The following WTAP variants were observed in gnomAD, a reference collection of about 807,000 sequenced individuals.
WTAP encodes the protein WT1 associated protein.
In WTAP, 8 loss-of-function variants were observed where a neutral mutation model predicts 50.0. That is an observed-to-expected ratio of 0.16 (90% CI 0.09 to 0.29). The LOEUF is 0.29. Ranked by LOEUF, WTAP falls within the 10% of genes least tolerant of loss-of-function variation. The pLI, the probability that WTAP is intolerant of heterozygous loss-of-function variation, is 1.00. For missense variants in WTAP, 295 were observed against 470.7 expected, an observed-to-expected ratio of 0.63 and a Z score of 3.45; for synonymous variants, 194 against 169.0, an observed-to-expected ratio of 1.15 and a Z score of -1.15.
chr6:159,730,568 T>TGAACCTGTTCTAATTTGC (rs1221450063), intron 1 of WTAP, among the ~76,000 whole-genome samples: 1 of 152,284 alleles, frequency 6.6e-6, no homozygotes, highest in East Asian at 1.9e-4. Context: ...TTGTAAATTT[T>TGAACCTGTTCTAATTTGC]GAACCTGTTC....
intron 5 of WTAP, chr6:159,745,299 C>G (rs1779509863): frequency 6.6e-6 from 1 of 152,210 alleles, no homozygotes; most frequent in African/African-American, 2.4e-5. Flanking sequence ...ACATCTGATT[C>G]TCCATCTGTC....
intron 6 of WTAP, among the ~76,000 whole-genome samples, chr6:159,750,777 G>T (rs1007243607): frequency 6.4e-4 from 97 of 152,200 alleles, no homozygotes; most frequent in African/African-American, 2.1e-3. Flanking sequence ...AAAATTGGCT[G>T]TAAGCCAGAG....
chr6:159,737,868 A>G (rs59517104), intron 2 of WTAP, among the ~76,000 whole-genome samples: 12,642 of 152,188 alleles, frequency 0.083, 1,158 homozygotes, highest in African/African-American at 0.22. Context: ...CTGTTTCTCA[A>G]TTTTTGAAGC....
Position 159,748,283 on chromosome 6 carries a change from A to G in WTAP, c.366A>G (p.Leu122=), listed in dbSNP as rs370080150. 21 of 1,613,978 alleles carry G rather than the reference A, an allele frequency of 1.3e-5. No individual in the cohort carries two copies. The African/African-American group carries it at 2.7e-4, about 21-fold the overall frequency. ...MVDPAINLFF[L]KMKGELEQTK... is the part of the protein sequence containing the mutation. ...ACCCAGCGATCAACTTGTTTTTCCT[A>G]AAAATGAAAGGTGAACTGGAACAGA... Residue 122 remains leucine, a synonymous_variant, in exon 6 of 8, where the codon CTA becomes CTG. Transcript: ENST00000621533. This position sits in a 1 kb window ranked among gnomAD's most constrained non-coding sequence, Gnocchi z 5.6.
intron 6 of WTAP, among the ~76,000 whole-genome samples, chr6:159,750,088 T>C (rs1453039019): frequency 7.0e-6 from 1 of 142,092 alleles, no homozygotes; most frequent in African/African-American, 2.7e-5. Context: ...TGTGTGACTT[T>C]TCAGCAAGAA....
chr6:159,730,393 AT>A (rs1778494326), intron 1 of WTAP, among the ~76,000 whole-genome samples: 1 of 152,100 alleles, frequency 6.6e-6, no homozygotes, highest in Non-Finnish European at 1.5e-5. Flanking sequence ...CATTGCCTTT[AT>A]GAATCTAGAA....
At position 159,755,951 on chromosome 6, in the gene WTAP, T is replaced by C. The variant is rs761777783; in HGVS notation, c.*340T>C. On this transcript the variant is annotated 3_prime_UTR_variant, in exon 8 of 8. Coordinates refer to ENST00000621533, the MANE Select transcript of WTAP (RefSeq NM_001270531.2). ...TACAACACAATGATGTCTGTATAAA[T>C]CTGTCTGTTTAGAATCTGTGCTGTG... 1.4e-5 allele frequency: 3 copies of C among 218,224 alleles called. No individual in the cohort carries two copies. The highest frequency in any genetic ancestry group is 2.7e-5 in the Non-Finnish European group (3 of 111,892). 13.5% of individuals were successfully genotyped at this position (218,224 alleles called of 1,614,324 possible).
chr6:159,742,071 G>A lies in WTAP; in HGVS notation c.87-17G>A. 6.4e-7 allele frequency: 1 copy of A among 1,574,102 alleles called. No individual in the cohort carries two copies. Among genetic ancestry groups the A allele is most frequent in the Non-Finnish European group, 8.7e-7 (1 of 1,155,510 alleles). On this transcript the variant is annotated splice_polypyrimidine_tract_variant and intron_variant, in intron 3 of 7. Transcript: ENST00000621533. ...TATTTTATCGTAACAACTAATGTAT[G>A]GATTTTTTTTTATTAGATGGAAACA... is the stretch of plus-strand genomic sequence containing the variant.
At chr6:159,740,652 CATAGAA>C (rs2114915894) in intron 3 of WTAP, among the ~76,000 whole-genome samples, 1 of 149,940 alleles carries the variant, frequency 6.7e-6, no homozygotes, top group East Asian at 2.0e-4. Context: ...TCAGTGTTTA[CATAGAA>C]AGTGGATTAG....
chr6:159,748,326 C>G lies in WTAP; in HGVS notation c.409C>G (p.Gln137Glu), dbSNP rs1779696875. 6.2e-7 allele frequency: 1 copy of G among 1,613,892 alleles called. No individual in the cohort carries two copies. The highest frequency in any genetic ancestry group is 8.5e-7 in the Non-Finnish European group (1 of 1,179,892). ...GGAACAGACTAAAGACAAACTGGAA[C>G]AAGCCCAAAATGAACTGAGTGCCTG... Reference protein sequence around the residue: ...ELEQTKDKLEQAQNELSAWKF... With the variant: ...ELEQTKDKLEEAQNELSAWKF... The change falls in exon 6 of 8, where the codon CAA becomes GAA. Residue 137 changes from glutamine to glutamate, a missense_variant. Around this residue, in one of 2 missense-constraint regions of WTAP, gnomAD observed 120 missense variants for 287.6 expected, o/e 0.42. Coordinates refer to ENST00000621533, the MANE Select transcript of WTAP (RefSeq NM_001270531.2). The surrounding 1 kb of genome is among the most constrained non-coding windows in gnomAD (Gnocchi z 5.6).
chr6:159,727,298 G>A (rs1450452855), upstream of WTAP: 2 of 1,279,902 alleles, frequency 1.6e-6, no homozygotes, highest in Admixed American at 2.4e-5. Flanking sequence ...GGCGGCGGGC[G>A]AGTGACTGCG....
intron 1 of WTAP, among the ~76,000 whole-genome samples, chr6:159,728,788 G>A (rs1778386047): frequency 6.6e-6 from 1 of 152,208 alleles, no homozygotes; most frequent in South Asian, 2.1e-4. Context: ...ACATTTTAAG[G>A]GTTTGGGTAG....
chr6:159,751,943 C>T (rs909099224), intron 6 of WTAP, among the ~76,000 whole-genome samples: 4 of 151,828 alleles, frequency 2.6e-5, no homozygotes, highest in Non-Finnish European at 5.9e-5. Flanking sequence ...CACCTATAGT[C>T]CCCAGGTACT....
chr6:159,740,761 T>A (rs1779207277), intron 3 of WTAP, among the ~76,000 whole-genome samples: 1 of 151,428 alleles, frequency 6.6e-6, no homozygotes. Flanking sequence ...TGGAATGCAG[T>A]TGCGCGATCT....
At chr6:159,742,031 GTTTA>G (rs1312658692) in intron 3 of WTAP, 53 bp from the exon 4 acceptor site, 9 of 1,253,738 alleles carry the variant, frequency 7.2e-6, no homozygotes, top group Admixed American at 4.1e-5. Flanking sequence ...ATATCTTCTA[GTTTA>G]TTTAATAAAC....
chr6:159,750,285 T>G, intron 6 of WTAP, among the ~76,000 whole-genome samples: 1 of 152,248 alleles, frequency 6.6e-6, no homozygotes, highest in Non-Finnish European at 1.5e-5. Flanking sequence ...AAATGTATTA[T>G]TAACATGTAC....
At chr6:159,747,077 A>G (rs1045305111) in intron 5 of WTAP, among the ~76,000 whole-genome samples, 1 of 152,200 alleles carries the variant, frequency 6.6e-6, no homozygotes, top group Non-Finnish European at 1.5e-5. Context: ...ACCACTTAGT[A>G]TATTTGTTCC....
intron 1 of WTAP, among the ~76,000 whole-genome samples, 178 bp from the exon 2 acceptor site, chr6:159,736,080 A>G (rs987009896): frequency 2.6e-5 from 4 of 152,210 alleles, no homozygotes; most frequent in East Asian, 3.8e-4. Flanking sequence ...GAACTCTGTA[A>G]TATCTTTGCC....
At chr6:159,735,698 G>C (rs1778869051) in intron 1 of WTAP, among the ~76,000 whole-genome samples, 1 of 152,056 alleles carries the variant, frequency 6.6e-6, no homozygotes, top group Non-Finnish European at 1.5e-5. Context: ...GCAGTGACCT[G>C]AGATCGCGCC....
Sources: gnomAD v4.1 joint callset for allele counts (sites outside exome capture counted in the v4.1 genomes callset) on GRCh38, gnomAD v4.1.1 for gene constraint, gnomAD v4.1.1 regional missense constraint, Gnocchi (gnomAD v3.1) non-coding constraint, MANE v1.5 for transcripts, NCBI Gene and HGNC (gene_info 2026-07-23, HGNC 2026-07-21) for gene names.